DPYSL2: variants seen among roughly 807,000 people sequenced by gnomAD.
DPYSL2 encodes the protein dihydropyrimidinase like 2.
Under a neutral mutation model 69.9 loss-of-function variants are expected in DPYSL2, and 13 were observed. The ratio of observed to expected loss-of-function variants is 0.19; its 90% CI spans 0.12 to 0.30. DPYSL2 has a LOEUF of 0.30. Among genes scored for constraint, DPYSL2 ranks in the 10% least tolerant of loss-of-function variants. The probability of loss-of-function intolerance (pLI) is 1.00; values close to 1 mark genes in which losing one functional copy is unlikely to be tolerated. For synonymous variants in DPYSL2, 326 were observed against 359.1 expected, an observed-to-expected ratio of 0.91 and a Z score of 1.04; for missense variants, 587 against 918.9, an observed-to-expected ratio of 0.64 and a Z score of 4.67.
intron 1 of DPYSL2, among the ~76,000 whole-genome samples, chr8:26,553,581 G>GTATTCCATGGTATA: frequency 6.6e-6 from 1 of 152,238 alleles, no homozygotes; most frequent in African/African-American, 2.4e-5. Flanking sequence ...TGACTGCATG[G>GTATTCCATGGTATA]TATTCCATGG....
chr8:26,649,705 T>A lies in DPYSL2; in HGVS notation c.1596+1905T>A, dbSNP rs865957863. The stretch of plus-strand genomic sequence containing the variant: ...TAGTTCAGAGCATCTAGCTAACTAT[T>A]ATCGACAGCCCTGTTGCTAAGCCTT... On this transcript the variant is annotated intron_variant, in intron 11 of 13. Coordinates refer to ENST00000521913, the MANE Select transcript of DPYSL2 (RefSeq NM_001197293.3). 5.3e-5 allele frequency among the ~76,000 whole-genome samples: 8 copies of A among 152,238 alleles called. 1 individual carries two copies. The highest frequency in any genetic ancestry group is 6.5e-5 in the Admixed American group (1 of 15,288).
At chr8:26,612,594 G>A (rs1277323287) in intron 3 of DPYSL2, among the ~76,000 whole-genome samples, 1 of 152,244 alleles carries the variant, frequency 6.6e-6, no homozygotes, top group East Asian at 1.9e-4. Flanking sequence ...GCTCACGCCT[G>A]TAATCCCAGC....
intron 1 of DPYSL2, among the ~76,000 whole-genome samples, chr8:26,543,528 C>A (rs1800717691): frequency 6.7e-6 from 1 of 150,158 alleles, no homozygotes; most frequent in African/African-American, 2.5e-5. Context: ...GCTCTTGTTG[C>A]CCAGGCTGGA....
Position 26,588,656 on chromosome 8 carries a change from G to A in DPYSL2, c.628+4673G>A, listed in dbSNP as rs550785907. Among the ~76,000 whole-genome samples, 93 of 152,234 alleles carry A rather than the reference G, an allele frequency of 6.1e-4. No homozygotes were observed. Among genetic ancestry groups the A allele is most frequent in the African/African-American group, 2.1e-3 (86 of 41,534 alleles). On this transcript the variant is annotated intron_variant, in intron 3 of 13. Transcript: ENST00000521913. This position sits in a 1 kb window ranked among gnomAD's most constrained non-coding sequence, Gnocchi z 5.4. The stretch of plus-strand genomic sequence containing the variant: ...GAGGAGGAGGGGAGGTGCTGCTGCC[G>A]CAGGGCTGGAAGGGGCCCTCCCTCC...
Position 26,586,549 on chromosome 8 carries a change from T to C in DPYSL2, c.628+2566T>C, listed in dbSNP as rs117846940. On this transcript the variant is annotated intron_variant, in intron 3 of 13. Transcript: ENST00000521913. The surrounding 1 kb of genome is among the most constrained non-coding windows in gnomAD (Gnocchi z 4.7). ...CACTCTTGTTCTTGTTTTTGACTCT[T>C]TCCTGCCTTCCCTTCCCCACCACAG... Among the ~76,000 whole-genome samples the C allele has an allele frequency of 7.4e-3, 1,130 of 152,320 alleles. 14 individuals are homozygous for C. The highest frequency in any genetic ancestry group is 0.01 in the Non-Finnish European group (684 of 68,026).
At chr8:26,554,613 T>G (rs73226146) in intron 1 of DPYSL2, among the ~76,000 whole-genome samples, 6 of 152,304 alleles carry the variant, frequency 3.9e-5, no homozygotes, top group Non-Finnish European at 5.9e-5. Flanking sequence ...CAGAATGGTG[T>G]TGTATAGGTT....
chr8:26,550,176 T>C (rs986984835), intron 1 of DPYSL2, among the ~76,000 whole-genome samples: 5 of 152,218 alleles, frequency 3.3e-5, no homozygotes, highest in African/African-American at 4.8e-5. Context: ...TACTCTGCTG[T>C]AAGGTATGTG....
At chr8:26,569,109 T>C (rs1040745998) in intron 1 of DPYSL2, among the ~76,000 whole-genome samples, 1 of 152,072 alleles carries the variant, frequency 6.6e-6, no homozygotes, top group African/African-American at 2.4e-5. Flanking sequence ...GTAATCCCAC[T>C]GCTTTGGGAG....
intron 3 of DPYSL2, among the ~76,000 whole-genome samples, chr8:26,590,232 A>G (rs1047273337): frequency 2.6e-5 from 4 of 152,208 alleles, no homozygotes; most frequent in African/African-American, 4.8e-5. Context: ...TGTTGCCACA[A>G]AATCTGCCTG....
intron 1 of DPYSL2, among the ~76,000 whole-genome samples, chr8:26,572,796 G>A (rs904031106): frequency 2.6e-5 from 4 of 152,188 alleles, no homozygotes; most frequent in South Asian, 2.1e-4. Flanking sequence ...ACTGCGCCTG[G>A]TCAGGAATGA....
chr8:26,631,383 A>C (rs1022357112), intron 7 of DPYSL2, among the ~76,000 whole-genome samples: 1 of 152,102 alleles, frequency 6.6e-6, no homozygotes, highest in Non-Finnish European at 1.5e-5. Flanking sequence ...CCACTTTTAA[A>C]CCATCAGATC....
At chr8:26,555,923 A>G (rs1246377616) in intron 1 of DPYSL2, among the ~76,000 whole-genome samples, 1 of 133,062 alleles carries the variant, frequency 7.5e-6, no homozygotes, top group Non-Finnish European at 1.5e-5. Context: ...ATATATTAGC[A>G]TATATACACA....
chr8:26,655,595 C>A lies in DPYSL2; in HGVS notation c.1943-20C>A. The A allele has an allele frequency of 6.3e-7, 1 of 1,590,764 alleles. No individual in the cohort carries two copies. Among genetic ancestry groups the A allele is most frequent in the South Asian group, 1.1e-5 (1 of 89,798 alleles). On this transcript the variant is annotated intron_variant, in intron 13 of 13. Transcript: ENST00000521913. ...CTGTCCTGGCCCCTCACCCGCTCCT[C>A]TCTTCTCCTCTCCCTCCAGGTGCTC...
rs564835418 is a variant in DPYSL2, at chr8:26,644,048, A to G, written c.1382A>G (p.Asn461Ser). Reference protein sequence around the residue: ...DNFTLIPEGTNGTEERMSVIW... With the variant: ...DNFTLIPEGTSGTEERMSVIW... ...TTCACCCTGATTCCGGAGGGCACCA[A>G]TGGCACTGAGGAGCGGATGTCCGTC... Residue 461 changes from asparagine (N) to serine (S), a missense_variant, in exon 10 of 14, where the codon AAT becomes AGT. Coordinates refer to ENST00000521913, the MANE Select transcript of DPYSL2 (RefSeq NM_001197293.3). This position sits in a 1 kb window ranked among gnomAD's most constrained non-coding sequence, Gnocchi z 4.5. 31 of 1,614,222 alleles carry G rather than the reference A, an allele frequency of 1.9e-5. No homozygotes were observed. Among genetic ancestry groups the G allele is most frequent in the South Asian group, 4.4e-5 (4 of 91,088 alleles).
chr8:26,518,793 T>C (rs73558516), intron 1 of DPYSL2, among the ~76,000 whole-genome samples: 3,068 of 152,358 alleles, frequency 0.02, 97 homozygotes, highest in African/African-American at 0.07. Context: ...TTCCTTTTTA[T>C]GGCTGAATAA....
Position 26,514,649 on chromosome 8 carries a change from C to T in DPYSL2, c.324C>T (p.Gly108=). 8.2e-7 allele frequency: 1 copy of T among 1,214,394 alleles called. No homozygotes were observed. The highest frequency in any genetic ancestry group is 1.0e-6 in the Non-Finnish European group (1 of 956,374). The allele number at this position is 1,214,394 out of a possible 1,614,324, so 75.2% of individuals were successfully genotyped here. A position where few individuals can be genotyped will look rare whatever the true frequency, so the allele number is the denominator to read the frequency against. Residue 108 remains glycine, a synonymous_variant, in exon 1 of 14, where the codon GGC becomes GGT. Coordinates refer to ENST00000521913, the MANE Select transcript of DPYSL2 (RefSeq NM_001197293.3). The surrounding 1 kb of genome is among the most constrained non-coding windows in gnomAD (Gnocchi z 8.4). ...GRKVEIRRAS[G]KEALQNINDQ... is the part of the protein sequence containing the mutation. ...AGGTGGAGATCCGGAGGGCCTCGGGCAAAGAAGCCCTGCAGAACATCAACG... is the reference window on the plus strand; with the variant it reads ...AGGTGGAGATCCGGAGGGCCTCGGGTAAAGAAGCCCTGCAGAACATCAACG...
intron 7 of DPYSL2, among the ~76,000 whole-genome samples, chr8:26,629,315 C>CA (rs1358904404): frequency 6.6e-6 from 1 of 151,588 alleles, no homozygotes; most frequent in African/African-American, 2.4e-5. Flanking sequence ...CACCTACACA[C>CA]ACACACATAC....
chr8:26,630,696 G>A (rs1802751877), intron 7 of DPYSL2, among the ~76,000 whole-genome samples: 1 of 152,202 alleles, frequency 6.6e-6, no homozygotes, highest in South Asian at 2.1e-4. Context: ...TACCAGAGCT[G>A]TGCTGCAGTG....
chr8:26,642,524 G>T lies in DPYSL2; in HGVS notation c.1127-915G>T, dbSNP rs946938571. ...AATGAATGGAGAGGTAGGAAGCGGG[G>T]TTGGGAGAGCAAACGTAAATCTAAG... On this transcript the variant is annotated intron_variant, in intron 8 of 13. Coordinates refer to ENST00000521913, the MANE Select transcript of DPYSL2 (RefSeq NM_001197293.3). The surrounding 1 kb of genome is among the most constrained non-coding windows in gnomAD (Gnocchi z 5.3). 6.6e-6 allele frequency among the ~76,000 whole-genome samples: 1 copy of T among 152,200 alleles called. No individual in the cohort carries two copies. The highest frequency in any genetic ancestry group is 2.4e-5 in the African/African-American group (1 of 41,466).
Sources: gnomAD v4.1 joint callset for allele counts (sites outside exome capture counted in the v4.1 genomes callset) on GRCh38, gnomAD v4.1.1 for gene constraint, Gnocchi (gnomAD v3.1) non-coding constraint, MANE v1.5 for transcripts, NCBI Gene and HGNC (gene_info 2026-07-23, HGNC 2026-07-21) for gene names.